VPS50: variants seen among roughly 807,000 people sequenced by gnomAD.
The protein encoded by VPS50 is VPS50 subunit of EARP/GARPII complex, also known as syndetin.
VPS50 carries 70 observed loss-of-function variants against 139.7 expected under a neutral mutation model. That is an observed-to-expected ratio of 0.50 (90% confidence interval 0.41 to 0.61). VPS50 has a LOEUF of 0.61. VPS50 is among the 20% of genes least tolerant of loss of function. The pLI is 0.00. For missense variants in VPS50, 921 were observed against 1,133.7 expected, an observed-to-expected ratio of 0.81 and a Z score of 2.69; for synonymous variants, 365 against 376.7, an observed-to-expected ratio of 0.97 and a Z score of 0.36.
intron 9 of VPS50, among the ~76,000 whole-genome samples, chr7:93,261,677 CAAAAAAAAAAAAA>C (rs71107890): frequency 3.2e-5 from 2 of 62,196 alleles, no homozygotes; most frequent in South Asian, 6.8e-4. Flanking sequence ...GACTCCGTCT[CAAAAAAAAAAAAA>C]AAAAAAAAAG....
chr7:93,338,243 C>T lies in VPS50; in HGVS notation c.2059-3184C>T, dbSNP rs183020810. 5.9e-5 allele frequency among the ~76,000 whole-genome samples: 9 copies of T among 152,270 alleles called. No homozygotes were observed. The East Asian group carries it at 1.3e-3, about 23-fold the overall frequency. On this transcript the variant is annotated intron_variant, in intron 22 of 27. Transcript: ENST00000305866. ...CTATCTTTATTACTAATTCATTCCA[C>T]AATACATATTGCATGCCTAGGTACT...
chr7:93,252,637 T>C lies in VPS50; in HGVS notation c.103-16T>C, dbSNP rs1356041367. 6.5e-7 allele frequency: 1 copy of C among 1,540,048 alleles called. No homozygotes were observed. Among genetic ancestry groups the C allele is most frequent in the African/African-American group, 1.4e-5 (1 of 72,414 alleles). ...ACAGCTACAATTACTATAATTGTGA[T>C]TTTTTTTTCTTAAAGGAAGAATTCA... On this transcript the variant is annotated splice_polypyrimidine_tract_variant and intron_variant, in intron 2 of 27. Transcript: ENST00000305866.
rs568405427 is a variant in VPS50, at chr7:93,349,211, G to A, written c.2304+404G>A. Among the ~76,000 whole-genome samples the A allele has an allele frequency of 4.4e-4, 67 of 152,264 alleles. No individual in the cohort carries two copies. The South Asian group carries it at 0.014, about 31-fold the overall frequency. On this transcript the variant is annotated intron_variant, in intron 24 of 27. Transcript: ENST00000305866. ...GAGGGTGAATGAGGGATGGATTCTA[G>A]ACAAAGGGAATGGCATGTCTGAAGA...
chr7:93,340,530 G>C (rs1432754687), intron 22 of VPS50: 1 of 152,172 alleles, frequency 6.6e-6, no homozygotes, highest in Non-Finnish European at 1.5e-5. Flanking sequence ...CCCTTGCTAT[G>C]TATTGAGAAG....
rs371325624 is a variant in VPS50, at chr7:93,348,735, G to A, written c.2232G>A (p.Glu744=). The A allele has an allele frequency of 4.3e-6, 7 of 1,612,918 alleles. No homozygotes were observed. In the African/African-American group the frequency reaches 6.7e-5, roughly 15 times the overall value. The part of the protein sequence containing the change: ...ESLVFLAEQF[E]FLQPHLDAVM... ...GGGTATTCTTGGCTGAACAGTTTGA[G>A]TTCCTTCAGCCACATCTGGATGCTG... The change falls in exon 24 of 28, where the codon GAG becomes GAA. Residue 744 remains glutamate, a synonymous_variant. Transcript: ENST00000305866.
At chr7:93,252,486 G>A (rs548190262) in intron 2 of VPS50, among the ~76,000 whole-genome samples, 167 bp from the exon 3 acceptor site, 70 of 152,054 alleles carry the variant, frequency 4.6e-4, no homozygotes, top group African/African-American at 1.5e-3. Context: ...GTTAATGGTC[G>A]GCTAGTTCCT....
chr7:93,284,278 A>G (rs1311293623), intron 12 of VPS50, among the ~76,000 whole-genome samples: 2 of 152,128 alleles, frequency 1.3e-5, no homozygotes, highest in Admixed American at 1.3e-4. Context: ...TTTATATTTA[A>G]ATACTGCCTT....
At chr7:93,274,409 G>A (rs1414037462) in intron 11 of VPS50, among the ~76,000 whole-genome samples, 6 of 152,012 alleles carry the variant, frequency 3.9e-5, no homozygotes, top group African/African-American at 1.2e-4. Context: ...AAAATCCTAG[G>A]ACACTTAAGA....
At chr7:93,355,119 T>TTAA (rs1491254032) in intron 26 of VPS50, among the ~76,000 whole-genome samples, 129 of 138,072 alleles carry the variant, frequency 9.3e-4, no homozygotes, top group African/African-American at 3.0e-3. Context: ...TACTCTTTTT[T>TTAA]AAAAAAAAAA....
chr7:93,349,722 A>C (rs1013949528), intron 24 of VPS50, among the ~76,000 whole-genome samples, 153 bp from the exon 25 acceptor site: 2 of 152,226 alleles, frequency 1.3e-5, no homozygotes, highest in Non-Finnish European at 2.9e-5. Context: ...CCTTCACTCA[A>C]ATATTCAAAT....
chr7:93,357,036 G>A (rs547525436), intron 27 of VPS50, among the ~76,000 whole-genome samples: 91 of 152,168 alleles, frequency 6.0e-4, no homozygotes, highest in Admixed American at 1.1e-3. Context: ...TAATGAGTTC[G>A]ACCAGTAAAG....
At position 93,308,899 on chromosome 7, in the gene VPS50, C is replaced by T. The variant is rs1262620713; in HGVS notation, c.1705C>T (p.Arg569Ter). ...CAGTGATGTTCCTGAGGAACTCAAA[C>T]GAGACTATGTGGATGAGCAGACAGG... ...SDSDVPEELK[R>*]DYVDEQTGDG... The change falls in exon 19 of 28, where the codon CGA (arginine) becomes TGA (stop). Residue 569 changes from arginine to a stop codon, truncating the protein, a stop_gained. Transcript: ENST00000305866. LOFTEE classifies it high-confidence loss of function. 1.2e-6 allele frequency: 2 copies of T among 1,605,654 alleles called. No homozygotes were observed. The highest frequency in any genetic ancestry group is 2.7e-5 in the African/African-American group (2 of 74,712).
At chr7:93,330,780 A>AG (rs1470384864) in intron 21 of VPS50, among the ~76,000 whole-genome samples, 1 of 151,212 alleles carries the variant, frequency 6.6e-6, no homozygotes, top group Non-Finnish European at 1.5e-5. Flanking sequence ...AAAAAAAAAA[A>AG]AACCCAAACA....
At chr7:93,344,979 AGAG>A (rs1236219574) in intron 23 of VPS50, among the ~76,000 whole-genome samples, 1 of 152,212 alleles carries the variant, frequency 6.6e-6, no homozygotes, top group Non-Finnish European at 1.5e-5. Context: ...AACTAAAATC[AGAG>A]GAGAACTGAA....
intron 23 of VPS50, among the ~76,000 whole-genome samples, chr7:93,343,366 C>T (rs1334123458): frequency 6.6e-6 from 1 of 152,096 alleles, no homozygotes. Context: ...ATTGGTGTAC[C>T]TGAAAGTGAC....
At chr7:93,351,403 AT>A (rs1798554759) in intron 25 of VPS50, among the ~76,000 whole-genome samples, 1 of 151,612 alleles carries the variant, frequency 6.6e-6, no homozygotes, top group South Asian at 2.1e-4. Context: ...AAATGGTTCT[AT>A]TTTTTATGAC....
intron 13 of VPS50, among the ~76,000 whole-genome samples, chr7:93,293,211 TATA>T (rs1796700464): frequency 6.6e-6 from 1 of 152,170 alleles, no homozygotes; most frequent in Admixed American, 6.6e-5. Context: ...CAAGAGATAA[TATA>T]ATAATAGTGA....
Position 93,232,449 on chromosome 7 carries a change from C to A in VPS50, c.-19C>A. 6.2e-7 allele frequency: 1 copy of A among 1,609,598 alleles called. No homozygotes were observed. Among genetic ancestry groups the A allele is most frequent in the Non-Finnish European group, 8.5e-7 (1 of 1,176,154 alleles). On this transcript the variant is annotated 5_prime_UTR_variant, in exon 1 of 28. Transcript: ENST00000305866. ...TTTGTTAGCTCTTTGAGGCAGGGTACCCTCCTCAGGATTTCGATATGCAAA... is the reference window on the plus strand; with the variant it reads ...TTTGTTAGCTCTTTGAGGCAGGGTAACCTCCTCAGGATTTCGATATGCAAA...
At chr7:93,266,618 G>T (rs12539635) in intron 9 of VPS50, among the ~76,000 whole-genome samples, 1 of 151,954 alleles carries the variant, frequency 6.6e-6, no homozygotes, top group African/African-American at 2.4e-5. Flanking sequence ...TGTTTGATTC[G>T]TTCCATTCAG....
Sources: gnomAD v4.1 joint callset for allele counts (sites outside exome capture counted in the v4.1 genomes callset) on GRCh38, gnomAD v4.1.1 for gene constraint, MANE v1.5 for transcripts, NCBI Gene and HGNC (gene_info 2026-07-23, HGNC 2026-07-21) for gene names.